BRWD1: variants seen among roughly 807,000 people sequenced by gnomAD.
BRWD1 encodes the protein bromodomain and WD repeat domain containing 1, also known as bromodomain and WD repeat-containing protein 1.
A neutral mutation model predicts 251.2 loss-of-function variants in BRWD1; 82 were observed. The ratio of observed to expected loss-of-function variants is 0.33; its 90% CI spans 0.27 to 0.39. The LOEUF is 0.39. Ranked by LOEUF, BRWD1 falls within the 10% of genes least tolerant of loss-of-function variation. BRWD1 has a pLI of 1.00. For missense variants in BRWD1, 2,233 were observed against 2,711.6 expected (o/e 0.82, Z 3.92); for synonymous variants, 918 against 902.8 (o/e 1.02, Z -0.30).
chr21:39,259,117 A>C (rs2034657053), intron 17 of BRWD1, among the ~76,000 whole-genome samples: 1 of 152,202 alleles, frequency 6.6e-6, no homozygotes. Flanking sequence ...AGGGGAAAAA[A>C]GGGAGGTAAG....
intron 7 of BRWD1, among the ~76,000 whole-genome samples, chr21:39,294,909 C>G (rs1210097803): frequency 2.6e-5 from 4 of 152,106 alleles, no homozygotes; most frequent in Admixed American, 6.5e-5. Flanking sequence ...AACTTCTCAC[C>G]TCTCCTAACT....
intron 27 of BRWD1, 96 bp from the exon 28 acceptor site, chr21:39,225,293 C>A (rs149502199): frequency 1.7e-6 from 1 of 589,888 alleles, no homozygotes; most frequent in Non-Finnish European, 2.8e-6. Flanking sequence ...GATAAAAAAG[C>A]CAAAAGCACA....
intron 21 of BRWD1, among the ~76,000 whole-genome samples, chr21:39,243,600 C>T (rs1434995871): frequency 6.6e-6 from 1 of 152,096 alleles, no homozygotes; most frequent in Non-Finnish European, 1.5e-5. Flanking sequence ...TGTGTCACCA[C>T]ACCCAGCTAA....
At chr21:39,233,230 G>A (rs2033687268) in intron 23 of BRWD1, among the ~76,000 whole-genome samples, 1 of 152,042 alleles carries the variant, frequency 6.6e-6, no homozygotes, top group African/African-American at 2.4e-5. Flanking sequence ...CCCTCATCAA[G>A]TCCTCAGATG....
intron 36 of BRWD1, among the ~76,000 whole-genome samples, chr21:39,206,801 T>A (rs1226436879): frequency 6.6e-6 from 1 of 152,224 alleles, no homozygotes; most frequent in African/African-American, 2.4e-5. Flanking sequence ...TTAATGCATA[T>A]GAAAGATTTG....
At chr21:39,212,974 C>T (rs1204668500) in intron 33 of BRWD1, among the ~76,000 whole-genome samples, 1 of 152,094 alleles carries the variant, frequency 6.6e-6, no homozygotes, top group Non-Finnish European at 1.5e-5. Flanking sequence ...ACGCTTCATG[C>T]ATTTCCTAAA....
chr21:39,265,649 T>C (rs1362498114), intron 15 of BRWD1, among the ~76,000 whole-genome samples: 1 of 152,206 alleles, frequency 6.6e-6, no homozygotes, highest in East Asian at 1.9e-4. Flanking sequence ...TGTCTTAGTA[T>C]ATAATAAAAG....
At position 39,250,738 on chromosome 21, in the gene BRWD1, G is replaced by C. The variant is rs932069943; in HGVS notation, c.2349+58C>G. ...TACTGATAGTTTTATAAATCAAAAAGAAAACTCTATATTTCAATGTAATTT... is the reference window on the plus strand; with the variant it reads ...TACTGATAGTTTTATAAATCAAAAACAAAACTCTATATTTCAATGTAATTT... On this transcript the variant is annotated intron_variant, in intron 20 of 40. Transcript: ENST00000342449. 8 of 1,097,640 alleles carry C rather than the reference G, an allele frequency of 7.3e-6. No homozygotes were observed. The African/African-American group carries it at 1.1e-4, about 15-fold the overall frequency. 68.0% of individuals were successfully genotyped at this position (1,097,640 alleles called of 1,614,324 possible). A position where few individuals can be genotyped will look rare whatever the true frequency, so the allele number is the denominator to read the frequency against.
chr21:39,260,192 T>C (rs1436464924), intron 17 of BRWD1, among the ~76,000 whole-genome samples: 2 of 152,356 alleles, frequency 1.3e-5, no homozygotes, highest in East Asian at 1.9e-4. Context: ...TTAATTAGAA[T>C]TGCTTATAAC....
chr21:39,221,285 C>T (rs1207565696), intron 29 of BRWD1, among the ~76,000 whole-genome samples: 2 of 151,990 alleles, frequency 1.3e-5, no homozygotes, highest in Admixed American at 1.3e-4. Flanking sequence ...ACTTGATGCC[C>T]CCCAAACGGT....
At chr21:39,197,537 G>A in intron 40 of BRWD1, 122 bp from the exon 41 acceptor site, 1 of 724,882 alleles carries the variant, frequency 1.4e-6, no homozygotes, top group Non-Finnish European at 2.2e-6. Flanking sequence ...TGAATGGAAT[G>A]GTACACACCT....
At chr21:39,228,914 C>A (rs1489584586) in intron 26 of BRWD1, among the ~76,000 whole-genome samples, 1 of 152,134 alleles carries the variant, frequency 6.6e-6, no homozygotes, top group Non-Finnish European at 1.5e-5. Context: ...TTAAGACATT[C>A]AATCAAACCA....
At chr21:39,313,211 G>A (rs1365150305) in intron 2 of BRWD1, 30 bp downstream of exon 2, 5 of 1,522,914 alleles carry the variant, frequency 3.3e-6, no homozygotes, top group South Asian at 2.4e-5. Flanking sequence ...GGGACGCCAA[G>A]TCCGCAGCCG....
chr21:39,310,491 T>G (rs560870929), intron 4 of BRWD1, among the ~76,000 whole-genome samples: 7 of 152,028 alleles, frequency 4.6e-5, no homozygotes, highest in African/African-American at 1.7e-4. Flanking sequence ...ATACAAAAAT[T>G]AGCCAGGTGC....
chr21:39,196,509 A>G lies in BRWD1; in HGVS notation c.6560T>C (p.Val2187Ala). 1.2e-6 allele frequency: 2 copies of G among 1,613,514 alleles called. No homozygotes were observed. The highest frequency in any genetic ancestry group is 8.5e-7 in the Non-Finnish European group (1 of 1,179,728). ...TGTAAAAGTTTTACCTTTTCTAACT[A>G]CTTTTGCTTTTCCTTTCGTTTTCCT... is the stretch of plus-strand genomic sequence containing the variant. ...KRRKTKGKAK[V>A]VRKGKTFTAN... Residue 2187 changes from valine to alanine, a missense_variant, in exon 41 of 41, where the codon GTA (valine) becomes GCA (alanine). Around this residue, in one of 12 missense-constraint regions of BRWD1, gnomAD observed 928 missense variants for 970.0 expected, o/e 0.96. Coordinates refer to ENST00000342449, the MANE Select transcript of BRWD1 (RefSeq NM_033656.4).
Position 39,277,333 on chromosome 21 carries a change from G to C in BRWD1, c.1022C>G (p.Thr341Arg). ...SFSVGGMFLA[T>R]GSTDHVIRMY... The stretch of plus-strand genomic sequence containing the variant: ...TCTGATTACATGATCAGTACTACCT[G>C]TGGCTAAAAACATACCACCTGAAAT... Residue 341 changes from threonine (T) to arginine (R), a missense_variant, in exon 11 of 41, where the codon ACA becomes AGA. Around this residue, in one of 12 missense-constraint regions of BRWD1, gnomAD observed 315 missense variants for 421.8 expected, o/e 0.75. Transcript: ENST00000342449. The C allele has an allele frequency of 6.3e-7, 1 of 1,595,870 alleles. No homozygotes were observed. Among genetic ancestry groups the C allele is most frequent in the South Asian group, 1.1e-5 (1 of 87,658 alleles).
At chr21:39,311,823 C>T (rs991503368) in intron 4 of BRWD1, among the ~76,000 whole-genome samples, 5 of 152,224 alleles carry the variant, frequency 3.3e-5, no homozygotes, top group African/African-American at 1.2e-4. Context: ...AATAACACAT[C>T]CTCTGGTCTC....
intron 16 of BRWD1, 76 bp downstream of exon 16, chr21:39,264,813 CAT>C: frequency 6.4e-7 from 1 of 1,557,096 alleles, no homozygotes; most frequent in Non-Finnish European, 8.7e-7. Context: ...GTTTCCAAAA[CAT>C]AGCTCATAAC....
At chr21:39,274,922 C>T (rs1211205283) in intron 12 of BRWD1, among the ~76,000 whole-genome samples, 1 of 151,558 alleles carries the variant, frequency 6.6e-6, no homozygotes, top group South Asian at 2.1e-4. Flanking sequence ...TGCCTGTAAT[C>T]GCAGCTACTC....
Sources: allele counts gnomAD v4.1 joint callset (sites outside exome capture counted in the v4.1 genomes callset), GRCh38; gene constraint gnomAD v4.1.1; regional missense constraint gnomAD v4.1.1; transcripts MANE v1.5; gene names NCBI Gene and HGNC (gene_info 2026-07-23, HGNC 2026-07-21).